The following KCTD10 variants were observed in gnomAD, a reference collection of about 807,000 sequenced individuals.
KCTD10 encodes the protein BTB/POZ domain-containing adapter for CUL3-mediated RhoA degradation protein 3.
In KCTD10, 13 loss-of-function variants were observed where a neutral mutation model predicts 34.6. The ratio of observed to expected loss-of-function variants is 0.38; its 90% CI spans 0.24 to 0.60. The LOEUF (loss-of-function observed/expected upper bound fraction) is 0.60. Among genes scored for constraint, KCTD10 ranks in the 20% least tolerant of loss-of-function variants. The pLI, the probability that KCTD10 is intolerant of heterozygous loss-of-function variation, is 0.66. For synonymous variants in KCTD10, 156 were observed against 168.8 expected, an observed-to-expected ratio of 0.92 and a Z score of 0.59; for missense variants, 256 against 420.3, an observed-to-expected ratio of 0.61 and a Z score of 3.42.
Position 109,469,272 on chromosome 12 carries a change from A to AG in KCTD10, c.217+242dup. On this transcript the variant is annotated intron_variant, in intron 2 of 6. Coordinates refer to ENST00000228495, the MANE Select transcript of KCTD10 (RefSeq NM_031954.5). ...CAGGGAAGATACCTCTCTCTCCCCCAGGCTTGAGTTTCACTCTGAAGTCAC... is the reference window on the plus strand; with the variant it reads ...CAGGGAAGATACCTCTCTCTCCCCCAGGGCTTGAGTTTCACTCTGAAGTCAC... 7.5e-6 allele frequency: 4 copies of AG among 530,212 alleles called. 1 individual carries two copies. The highest frequency in any genetic ancestry group is 6.7e-5 in the Admixed American group (2 of 29,806). The allele number at this position is 530,212 out of a possible 1,614,324, so 32.8% of individuals were successfully genotyped here. A position where few individuals can be genotyped will look rare whatever the true frequency, so the allele number is the denominator to read the frequency against.
chr12:109,453,716 C>A (rs978357753), intron 6 of KCTD10, among the ~76,000 whole-genome samples: 1 of 152,162 alleles, frequency 6.6e-6, no homozygotes, highest in African/African-American at 2.4e-5. Flanking sequence ...TAACCAAACC[C>A]CCAGCTTTCT....
chr12:109,474,093 T>G (rs921053467), intron 1 of KCTD10, among the ~76,000 whole-genome samples: 1 of 152,066 alleles, frequency 6.6e-6, no homozygotes, highest in African/African-American at 2.4e-5. Flanking sequence ...TTTTGTATTT[T>G]TAGTACAGAC....
At chr12:109,465,470 C>G (rs918430662) in intron 2 of KCTD10, among the ~76,000 whole-genome samples, 4 of 152,144 alleles carry the variant, frequency 2.6e-5, no homozygotes, top group African/African-American at 9.7e-5. Context: ...GAGAGCTCTT[C>G]AAAGTCCTAC....
intron 4 of KCTD10, 72 bp from the exon 5 acceptor site, chr12:109,457,754 T>A: frequency 1.3e-6 from 2 of 1,493,066 alleles, no homozygotes; most frequent in Non-Finnish European, 1.9e-6. Context: ...TAGCTTCCCA[T>A]AGGGCTGGGG....
intron 3 of KCTD10, chr12:109,459,086 C>T (rs1487749930): frequency 1.3e-5 from 2 of 152,236 alleles, no homozygotes; most frequent in Non-Finnish European, 2.9e-5. Context: ...AGAAAACAAA[C>T]AGAATCATCA....
Position 109,457,663 on chromosome 12 carries a change from T to C in KCTD10, c.494A>G (p.Tyr165Cys), listed in dbSNP as rs1284269252. The change falls in exon 5 of 7, where the codon TAC becomes TGC. Residue 165 changes from tyrosine to cysteine, a missense_variant. Physicochemically the swap from Tyr to Cys is radical, Grantham distance 194 (BLOSUM62 -2). Transcript: ENST00000228495. ...TGAGTATTTGTTGTTACTTCTGTTG[T>C]AGAGCAACTTCACGGCTGGCTGTGG... is the stretch of plus-strand genomic sequence containing the variant. ...TSNKPAVKLL[Y>C]NRSNNKYSYT... 1 of 1,614,224 alleles carries C rather than the reference T, an allele frequency of 6.2e-7. No homozygotes were observed.
intron 2 of KCTD10, chr12:109,469,312 G>A (rs1229034517): frequency 1.8e-5 from 11 of 606,868 alleles, no homozygotes; most frequent in Non-Finnish European, 2.9e-5. Context: ...GCATGGCAGA[G>A]ATAAGCAAGC....
chr12:109,469,541 C>A lies in KCTD10; in HGVS notation c.191G>T (p.Arg64Leu), dbSNP rs771156666. The A allele has an allele frequency of 3.1e-6, 5 of 1,614,034 alleles. No homozygotes were observed. The highest frequency in any genetic ancestry group is 2.2e-5 in the East Asian group (1 of 44,892). ...DTMLKAMFSG[R>L]MEVLTDSEGW... is the part of the protein sequence containing the mutation. ...TTCACTGTCGGTGAGCACTTCCATG[C>A]GCCCGCTGAACATGGCCTTCAGCAT... is the stretch of plus-strand genomic sequence containing the variant. Residue 64 changes from arginine to leucine, a missense_variant, in exon 2 of 7, where the codon CGC (arginine) becomes CTC (leucine). Transcript: ENST00000228495.
intron 1 of KCTD10, chr12:109,469,990 G>T: frequency 8.3e-7 from 1 of 1,198,318 alleles, no homozygotes; most frequent in Non-Finnish European, 1.1e-6. Flanking sequence ...AGAGGGCCAT[G>T]CATCCCCTAG....
chr12:109,458,334 C>A, intron 3 of KCTD10: 1 of 400,330 alleles, frequency 2.5e-6, no homozygotes, highest in Non-Finnish European at 4.5e-6. Flanking sequence ...TTCCACAGCC[C>A]AGGAAGCCAC....
Position 109,451,348 on chromosome 12 carries a change from G to T in KCTD10, c.*247C>A. 2.1e-6 allele frequency: 1 copy of T among 468,430 alleles called. No homozygotes were observed. 29.0% of individuals were successfully genotyped at this position (468,430 alleles called of 1,614,324 possible). On this transcript the variant is annotated 3_prime_UTR_variant, in exon 7 of 7. Coordinates refer to ENST00000228495, the MANE Select transcript of KCTD10 (RefSeq NM_031954.5). The surrounding 1 kb of genome is among the most constrained non-coding windows in gnomAD (Gnocchi z 5.0). ...AGAACCGAGAAAGCCTGGCTCCAAA[G>T]AGTCTCAGATTCTCATGAAAAGTAG...
chr12:109,477,047 G>A (rs1213078867), intron 1 of KCTD10, among the ~76,000 whole-genome samples: 1 of 151,872 alleles, frequency 6.6e-6, no homozygotes, highest in African/African-American at 2.4e-5. Context: ...TAACCGCCAG[G>A]GAGCCTCCCT....
At chr12:109,467,778 C>T (rs1371359942) in intron 2 of KCTD10, among the ~76,000 whole-genome samples, 1 of 151,890 alleles carries the variant, frequency 6.6e-6, no homozygotes, top group African/African-American at 2.4e-5. Context: ...CCAGGCAGCA[C>T]CAGGAGAAAA....
intron 1 of KCTD10, among the ~76,000 whole-genome samples, chr12:109,471,960 A>G (rs892235938): frequency 1.6e-4 from 25 of 152,214 alleles, no homozygotes; most frequent in African/African-American, 6.0e-4. Flanking sequence ...GCATACTTGT[A>G]TAGGACACTT....
chr12:109,456,049 A>C (rs2135644229), intron 6 of KCTD10, 69 bp downstream of exon 6: 1 of 1,442,440 alleles, frequency 6.9e-7, no homozygotes, highest in Non-Finnish European at 9.7e-7. Context: ...ATTGGGCTCA[A>C]GTGAAAGGAA....
Position 109,456,121 on chromosome 12 carries a change from G to C in KCTD10, c.720C>G (p.Thr240=), listed in dbSNP as rs1176086746. 6.2e-7 allele frequency: 1 copy of C among 1,613,902 alleles called. No individual in the cohort carries two copies. The highest frequency in any genetic ancestry group is 1.3e-5 in the African/African-American group (1 of 74,872). The change falls in exon 6 of 7, where the codon ACC becomes ACG. Residue 240 remains threonine (T), a synonymous_variant. Coordinates refer to ENST00000228495, the MANE Select transcript of KCTD10 (RefSeq NM_031954.5). The stretch of plus-strand genomic sequence containing the variant: ...ACTGTCCTCTCGAGGCTCTTACCTT[G>C]GTCTGTTTCTTCTCAGTGGCATAGA... ...SIVYATEKKQ[T]KVEFPEARIY... is the part of the protein sequence containing the mutation.
chr12:109,466,441 A>G (rs1406770601), intron 2 of KCTD10, among the ~76,000 whole-genome samples: 2 of 152,250 alleles, frequency 1.3e-5, no homozygotes, highest in Admixed American at 1.3e-4. Flanking sequence ...AGAAAAAGCC[A>G]CTTGTCCAAT....
Position 109,450,338 on chromosome 12 carries a change from C to T in KCTD10, c.*1257G>A, listed in dbSNP as rs572977957. 5.5e-6 allele frequency: 2 copies of T among 362,660 alleles called. No individual in the cohort carries two copies. The highest frequency in any genetic ancestry group is 7.2e-5 in the East Asian group (2 of 27,702). 22.5% of individuals were successfully genotyped at this position (362,660 alleles called of 1,614,324 possible). A position where few individuals can be genotyped will look rare whatever the true frequency, so the allele number is the denominator to read the frequency against. ...CGTCCTACATAGGCGCTGCGCCCAG[C>T]CGGGCTCCAGCAGGGGCCGCCACCT... is the stretch of plus-strand genomic sequence containing the variant. On this transcript the variant is annotated 3_prime_UTR_variant, in exon 7 of 7. Coordinates refer to ENST00000228495, the MANE Select transcript of KCTD10 (RefSeq NM_031954.5).
At chr12:109,452,854 T>TTTTTTTTTTTTAAA (rs1228946105) in intron 6 of KCTD10, among the ~76,000 whole-genome samples, 2 of 151,152 alleles carry the variant, frequency 1.3e-5, no homozygotes, top group African/African-American at 4.9e-5. Flanking sequence ...CCTTTTTTTT[T>TTTTTTTTTTTTAAA]AAAAGATATG....
Sources: allele counts gnomAD v4.1 joint callset (sites outside exome capture counted in the v4.1 genomes callset), GRCh38; gene constraint gnomAD v4.1.1; non-coding constraint Gnocchi (gnomAD v3.1); transcripts MANE v1.5; gene names NCBI Gene and HGNC (gene_info 2026-07-23, HGNC 2026-07-21).